The following RFX3 variants were observed in gnomAD, a reference collection of about 807,000 sequenced individuals.
The protein encoded by RFX3 is transcription factor RFX3.
Under a neutral mutation model 98.6 loss-of-function variants are expected in RFX3, and 14 were observed. That is an observed-to-expected ratio of 0.14 (90% CI 0.09 to 0.22). RFX3 has a LOEUF of 0.22. Ranked by LOEUF, RFX3 falls within the 10% of genes least tolerant of loss-of-function variation. The pLI, the probability that RFX3 is intolerant of heterozygous loss-of-function variation, is 1.00. For missense variants in RFX3, 639 were observed against 926.9 expected (o/e 0.69, Z 4.03); for synonymous variants, 383 against 328.4 (o/e 1.17, Z -1.80).
intron 2 of RFX3, among the ~76,000 whole-genome samples, chr9:3,366,405 T>C (rs1459651695): frequency 6.6e-6 from 1 of 152,210 alleles, no homozygotes; most frequent in Non-Finnish European, 1.5e-5. Flanking sequence ...ACGCACCAAC[T>C]ACTTTGGTTT....
chr9:3,347,802 G>A (rs1354827356), intron 2 of RFX3, among the ~76,000 whole-genome samples: 3 of 151,962 alleles, frequency 2.0e-5, no homozygotes, highest in Non-Finnish European at 4.4e-5. Context: ...CTCCAGCCTG[G>A]GCAACAAGAT....
intron 1 of RFX3, among the ~76,000 whole-genome samples, chr9:3,476,260 T>G (rs1342542): frequency 6.6e-6 from 1 of 151,450 alleles, no homozygotes. Flanking sequence ...TGTTTTATGT[T>G]CTTTATTACA....
At chr9:3,358,039 T>C (rs1413290365) in intron 2 of RFX3, among the ~76,000 whole-genome samples, 1 of 152,090 alleles carries the variant, frequency 6.6e-6, no homozygotes, top group Non-Finnish European at 1.5e-5. Flanking sequence ...TGGTGGTCAA[T>C]ACTGTGAGGT....
chr9:3,297,384 A>C (rs1828123316), intron 5 of RFX3, among the ~76,000 whole-genome samples: 2 of 152,092 alleles, frequency 1.3e-5, no homozygotes, highest in Non-Finnish European at 2.9e-5. Flanking sequence ...ATATACACTC[A>C]TTTAATGGTG....
At chr9:3,360,556 G>A (rs992720252) in intron 2 of RFX3, among the ~76,000 whole-genome samples, 4 of 151,986 alleles carry the variant, frequency 2.6e-5, no homozygotes, top group African/African-American at 9.7e-5. Context: ...TATGCATGAT[G>A]TATTTACATT....
chr9:3,398,948 C>T (rs1474457542), intron 1 of RFX3, among the ~76,000 whole-genome samples: 11 of 104,910 alleles, frequency 1.0e-4, no homozygotes, highest in Admixed American at 1.0e-3. Flanking sequence ...AAAATTAAAA[C>T]TACCTTTAAA....
At chr9:3,484,464 C>T (rs931870570) in intron 1 of RFX3, among the ~76,000 whole-genome samples, 8 of 152,058 alleles carry the variant, frequency 5.3e-5, no homozygotes, top group East Asian at 1.9e-4. Context: ...AAGATAACTA[C>T]GCTAATCAAA....
intron 1 of RFX3, among the ~76,000 whole-genome samples, chr9:3,424,607 G>T (rs564153350): frequency 1.3e-5 from 2 of 151,782 alleles, no homozygotes; most frequent in Non-Finnish European, 2.9e-5. Flanking sequence ...TGCTCCGCCC[G>T]CCTCGGCCTC....
At position 3,495,192 on chromosome 9, in the gene RFX3, A is replaced by G. The variant is rs181052236; in HGVS notation, c.-9+30555T>C. Among the ~76,000 whole-genome samples, 773 of 152,076 alleles carry G rather than the reference A, an allele frequency of 5.1e-3. 1 individual carries two copies. Among genetic ancestry groups the G allele is most frequent in the African/African-American group, 0.018 (730 of 41,530 alleles). On this transcript the variant is annotated intron_variant, in intron 1 of 16. Transcript: ENST00000617270. ...ATATCAAGGAAAAAAAGATAACCATAAAGCAAGAACTTCTCCATTTTTAGG... is the reference window on the plus strand; with the variant it reads ...ATATCAAGGAAAAAAAGATAACCATGAAGCAAGAACTTCTCCATTTTTAGG...
chr9:3,448,592 GC>G (rs1846265353), intron 1 of RFX3, among the ~76,000 whole-genome samples: 1 of 152,000 alleles, frequency 6.6e-6, no homozygotes, highest in Non-Finnish European at 1.5e-5. Flanking sequence ...AGCGTGAATT[GC>G]AGCCTCAAAC....
intron 1 of RFX3, among the ~76,000 whole-genome samples, chr9:3,504,159 T>C (rs1816380531): frequency 1.1e-5 from 1 of 90,162 alleles, no homozygotes; most frequent in South Asian, 3.1e-4. Context: ...ACATATTATA[T>C]ATTATATATA....
intron 12 of RFX3, among the ~76,000 whole-genome samples, chr9:3,265,189 G>A (rs1041519283): frequency 5.9e-5 from 9 of 152,172 alleles, no homozygotes; most frequent in African/African-American, 2.2e-4. Context: ...AATGTAGCGA[G>A]TATGACTGAG....
chr9:3,318,852 G>C (rs1830935701), intron 4 of RFX3, among the ~76,000 whole-genome samples: 2 of 152,158 alleles, frequency 1.3e-5, no homozygotes, highest in African/African-American at 4.8e-5. Context: ...AATGTGTTCT[G>C]AGAACATTTG....
At chr9:3,312,322 A>G (rs1201889402) in intron 4 of RFX3, among the ~76,000 whole-genome samples, 1 of 152,178 alleles carries the variant, frequency 6.6e-6, no homozygotes, top group Non-Finnish European at 1.5e-5. Flanking sequence ...ATACCCTGTA[A>G]TAAGCAGCTG....
At chr9:3,395,645 G>C in intron 1 of RFX3, 49 bp from the exon 2 acceptor site, 1 of 1,592,172 alleles carries the variant, frequency 6.3e-7, no homozygotes, top group South Asian at 1.1e-5. Flanking sequence ...ACTCCTGCAT[G>C]ACTAGCTTCC....
At chr9:3,524,827 G>GCACGCA (rs1819061671) in intron 1 of RFX3, among the ~76,000 whole-genome samples, 1 of 128,132 alleles carries the variant, frequency 7.8e-6, no homozygotes, top group Non-Finnish European at 1.6e-5. Context: ...TAAATCACAA[G>GCACGCA]CACACACACA....
At chr9:3,442,458 G>A (rs770799194) in intron 1 of RFX3, among the ~76,000 whole-genome samples, 17 of 151,944 alleles carry the variant, frequency 1.1e-4, no homozygotes. Context: ...AAAAATAAGG[G>A]AAGACAGAAA....
chr9:3,516,341 C>T (rs928899560), intron 1 of RFX3, among the ~76,000 whole-genome samples: 1 of 152,170 alleles, frequency 6.6e-6, no homozygotes, highest in African/African-American at 2.4e-5. Context: ...AGCCACCGCA[C>T]CCAGCCTAAA....
rs998107317 is a variant in RFX3 at position 3,411,822 on chromosome 9, C to A, written c.-8-16226G>T. Among the ~76,000 whole-genome samples, 57 of 152,060 alleles carry A rather than the reference C, an allele frequency of 3.7e-4. 1 individual carries two copies. Among genetic ancestry groups the A allele is most frequent in the African/African-American group, 1.4e-3 (56 of 41,478 alleles). On this transcript the variant is annotated intron_variant, in intron 1 of 16. Coordinates refer to ENST00000617270, the MANE Select transcript of RFX3 (RefSeq NM_001282116.2). ...CCCTTCTCTACCTTTCCTCCACCTC[C>A]AATTATACGGACCTAGTCAGCCCCA...
Sources: gnomAD v4.1 joint callset for allele counts (sites outside exome capture counted in the v4.1 genomes callset) on GRCh38, gnomAD v4.1.1 for gene constraint, MANE v1.5 for transcripts, NCBI Gene and HGNC (gene_info 2026-07-23, HGNC 2026-07-21) for gene names.